The following OMA1 variants were observed in gnomAD, a reference collection of about 807,000 sequenced individuals.
OMA1 encodes metalloendopeptidase OMA1, mitochondrial.
In OMA1, 38 loss-of-function variants were observed where a neutral mutation model predicts 30.9. That is an observed-to-expected ratio of 1.23 (90% CI 0.95 to 1.61). OMA1 has a LOEUF of 1.61. OMA1 is among the 40% of genes most tolerant of loss of function. The pLI is 0.00. For synonymous variants in OMA1, 173 were observed against 121.9 expected (o/e 1.42, Z -2.76); for missense variants, 461 against 349.2 (o/e 1.32, Z -2.55).
chr1:58,534,389 C>T (rs757320793), intron 3 of OMA1, 58 bp from the exon 4 acceptor site: 3 of 730,624 alleles, frequency 4.1e-6, no homozygotes, highest in Non-Finnish European at 7.0e-6. Context: ...GCTTACTCTG[C>T]TTCATGGAAA....
chr1:58,530,265 A>C (rs1646414740), intron 6 of OMA1, among the ~76,000 whole-genome samples: 1 of 152,124 alleles, frequency 6.6e-6, no homozygotes, highest in Non-Finnish European at 1.5e-5. Flanking sequence ...GGGACAGCTG[A>C]ATTTGGGAGT....
chr1:58,517,170 A>G (rs1395044278), intron 7 of OMA1, among the ~76,000 whole-genome samples: 1 of 152,238 alleles, frequency 6.6e-6, no homozygotes, highest in Non-Finnish European at 1.5e-5. Context: ...GATTTGCTAC[A>G]GTCATGTGGA....
At chr1:58,494,596 A>C (rs1434429154) in intron 8 of OMA1, among the ~76,000 whole-genome samples, 2 of 152,120 alleles carry the variant, frequency 1.3e-5, no homozygotes, top group African/African-American at 2.4e-5. Flanking sequence ...ACCCCATCAA[A>C]AAGTGGGTGA....
chr1:58,524,306 C>T (rs1646315960), intron 7 of OMA1, among the ~76,000 whole-genome samples: 1 of 152,222 alleles, frequency 6.6e-6, no homozygotes, highest in Non-Finnish European at 1.5e-5. Flanking sequence ...TCTGCTGCCT[C>T]TTGGTCAGCA....
In OMA1 at chr1:58,521,862, A is replaced by T. The variant is rs114005567; in HGVS notation, c.1215+5399T>A. On this transcript the variant is annotated intron_variant, in intron 7 of 8. Transcript: ENST00000371226. Reference sequence around the variant, plus strand: ...AATAAATATAGCTAATCTTACAAAAACTCTTCTGGAGAAGAGAAAATGAAG... The same window carrying T: ...AATAAATATAGCTAATCTTACAAAATCTCTTCTGGAGAAGAGAAAATGAAG... 4.2e-3 allele frequency among the ~76,000 whole-genome samples: 640 copies of T among 152,164 alleles called. 3 individuals are homozygous for T. The highest frequency in any genetic ancestry group is 0.015 in the African/African-American group (619 of 41,522).
At chr1:58,502,074 T>C (rs1645915972) in intron 8 of OMA1, among the ~76,000 whole-genome samples, 1 of 152,206 alleles carries the variant, frequency 6.6e-6, no homozygotes, top group African/African-American at 2.4e-5. Context: ...ACTTGTTGAA[T>C]GCATAAAGTG....
intron 6 of OMA1, 57 bp from the exon 7 acceptor site, chr1:58,527,392 G>A: frequency 1.2e-6 from 1 of 823,606 alleles, no homozygotes; most frequent in Non-Finnish European, 2.2e-6. Context: ...GAAAAAAGGA[G>A]TAACACAGAG....
At chr1:58,541,208 C>A (rs1400955509) in intron 1 of OMA1, among the ~76,000 whole-genome samples, 1 of 135,978 alleles carries the variant, frequency 7.4e-6, no homozygotes, top group African/African-American at 2.7e-5. Context: ...GCAGGAGAAT[C>A]GCTTGAACCC....
Position 58,539,308 on chromosome 1 carries a change from T to G in OMA1, c.-14A>C, listed in dbSNP as rs779921878. The stretch of plus-strand genomic sequence containing the variant: ...GATGAAGCTCATTTTTTCACTTGAC[T>G]ACCTGAAACAAAAAAAAAACTATAA... On this transcript the variant is annotated splice_region_variant and 5_prime_UTR_variant, in exon 2 of 9. Transcript: ENST00000371226. 2.5e-6 allele frequency: 2 copies of G among 807,792 alleles called. No individual in the cohort carries two copies. Among genetic ancestry groups the G allele is most frequent in the Non-Finnish European group, 4.2e-6 (2 of 478,958 alleles). The allele number at this position is 807,792 out of a possible 1,614,324, so 50.0% of individuals were successfully genotyped here. A position where few individuals can be genotyped will look rare whatever the true frequency, so the allele number is the denominator to read the frequency against.
chr1:58,533,188 T>C (rs1022433555), intron 5 of OMA1, among the ~76,000 whole-genome samples: 1 of 152,212 alleles, frequency 6.6e-6, no homozygotes, highest in Non-Finnish European at 1.5e-5. Flanking sequence ...TGAACAGACA[T>C]GTATTCACAG....
intron 8 of OMA1, among the ~76,000 whole-genome samples, chr1:58,491,266 A>T (rs899964580): frequency 6.6e-6 from 1 of 152,216 alleles, no homozygotes; most frequent in Non-Finnish European, 1.5e-5. Flanking sequence ...TGAAGGAAGC[A>T]CTAAACATGG....
chr1:58,530,676 G>A lies in OMA1; in HGVS notation c.1065C>T (p.Leu355=), dbSNP rs937884569. The A allele has an allele frequency of 1.1e-6, 1 of 872,772 alleles. No homozygotes were observed. The highest frequency in any genetic ancestry group is 1.3e-5 in the South Asian group (1 of 76,526). The allele number at this position is 872,772 out of a possible 1,614,324, so 54.1% of individuals were successfully genotyped here. A position where few individuals can be genotyped will look rare whatever the true frequency, so the allele number is the denominator to read the frequency against. Residue 355 remains leucine (L), a synonymous_variant, in exon 6 of 9, where the codon CTC becomes CTT. Coordinates refer to ENST00000371226, the MANE Select transcript of OMA1 (RefSeq NM_145243.5). ...GAGGACAAATGGCCCAAATCATTGT[G>A]AGGAAAATCATACCTAGGAAATCCA... ...HLLDFLGMIF[L]TMIWAICPRD... is the part of the protein sequence containing the mutation.
intron 7 of OMA1, 69 bp from the exon 8 acceptor site, chr1:58,506,278 A>AT (rs370563888): frequency 1.8e-4 from 125 of 712,870 alleles, no homozygotes; most frequent in Non-Finnish European, 2.1e-4. Context: ...CTACTACTTT[A>AT]TTTTTTTTTA....
intron 8 of OMA1, among the ~76,000 whole-genome samples, chr1:58,486,144 T>A (rs1645572413): frequency 6.6e-6 from 1 of 152,174 alleles, no homozygotes; most frequent in South Asian, 2.1e-4. Flanking sequence ...GGGCCTGACA[T>A]AAAATACTTA....
At chr1:58,491,708 G>C (rs575559352) in intron 8 of OMA1, among the ~76,000 whole-genome samples, 2 of 152,276 alleles carry the variant, frequency 1.3e-5, no homozygotes, top group East Asian at 3.9e-4. Context: ...TCAACAAGAA[G>C]AGCTAACTAT....
Position 58,491,771 on chromosome 1 carries a change from C to G in OMA1, c.1366-10597G>C, listed in dbSNP as rs560880508. ...AGCACCCAGATTCATAAAGCAAGTC[C>G]TTAGAGACCTACAAAGTGACTTAGA... On this transcript the variant is annotated intron_variant, in intron 8 of 8. Transcript: ENST00000371226. 8.4e-3 allele frequency among the ~76,000 whole-genome samples: 1,283 copies of G among 152,274 alleles called. 15 individuals carry two copies. The highest frequency in any genetic ancestry group is 0.029 in the African/African-American group (1,201 of 41,550).
chr1:58,513,058 C>T (rs560652666), intron 7 of OMA1, among the ~76,000 whole-genome samples: 116 of 152,242 alleles, frequency 7.6e-4, no homozygotes, highest in African/African-American at 2.6e-3. Context: ...GCTGTGTCCC[C>T]ACCCAAATCT....
intron 8 of OMA1, among the ~76,000 whole-genome samples, chr1:58,488,600 A>G (rs1645617494): frequency 6.6e-6 from 1 of 152,104 alleles, no homozygotes; most frequent in Admixed American, 6.5e-5. Context: ...TACAGGCATG[A>G]GCCACCATGT....
chr1:58,494,862 G>A (rs1440373414), intron 8 of OMA1, among the ~76,000 whole-genome samples: 2 of 152,250 alleles, frequency 1.3e-5, no homozygotes, highest in African/African-American at 2.4e-5. Flanking sequence ...TCAGTGTGGC[G>A]ATTCCTCAGG....
Sources: allele counts gnomAD v4.1 joint callset (sites outside exome capture counted in the v4.1 genomes callset), GRCh38; gene constraint gnomAD v4.1.1; transcripts MANE v1.5; gene names NCBI Gene and HGNC (gene_info 2026-07-23, HGNC 2026-07-21).